The following PEX5L variants were observed in gnomAD, a reference collection of about 807,000 sequenced individuals.
PEX5L encodes the protein peroxisomal biogenesis factor 5 like.
In PEX5L, 30 loss-of-function variants were observed where a neutral mutation model predicts 84.0. That is an observed-to-expected ratio of 0.36 (90% confidence interval 0.27 to 0.48). The LOEUF is 0.48. Ranked by LOEUF, PEX5L falls within the 20% of genes least tolerant of loss-of-function variation. PEX5L has a pLI of 0.99. For missense variants in PEX5L, 533 were observed against 754.6 expected, an observed-to-expected ratio of 0.71 and a Z score of 3.44; for synonymous variants, 270 against 283.1, an observed-to-expected ratio of 0.95 and a Z score of 0.46.
chr3:179,834,013 A>AT (rs1475838042), intron 8 of PEX5L, among the ~76,000 whole-genome samples: 2 of 151,758 alleles, frequency 1.3e-5, no homozygotes, highest in Admixed American at 6.6e-5. Context: ...TTTTATTTTT[A>AT]TTTTTTTGTG....
In PEX5L at chr3:179,913,124, A is replaced by T. The variant is rs553330159; in HGVS notation, c.94-14878T>A. Among the ~76,000 whole-genome samples the T allele has an allele frequency of 3.0e-4, 45 of 152,284 alleles. No homozygotes were observed. The South Asian group carries it at 9.1e-3, about 31-fold the overall frequency. On this transcript the variant is annotated intron_variant, in intron 2 of 14. Coordinates refer to ENST00000467460, the MANE Select transcript of PEX5L (RefSeq NM_016559.3). Reference sequence around the variant, plus strand: ...AATTTTCAGCTAATTAGAATAGCCAAATGCCTTTGAGTGTTCTCATTAATC... The same window carrying T: ...AATTTTCAGCTAATTAGAATAGCCATATGCCTTTGAGTGTTCTCATTAATC...
chr3:179,980,480 T>A (rs1460615900), intron 1 of PEX5L, among the ~76,000 whole-genome samples: 2 of 152,176 alleles, frequency 1.3e-5, no homozygotes, highest in African/African-American at 2.4e-5. Context: ...AACATCACAA[T>A]TCTTGTCATT....
intron 2 of PEX5L, among the ~76,000 whole-genome samples, chr3:179,902,424 C>T (rs1761703655): frequency 6.6e-6 from 1 of 152,198 alleles, no homozygotes; most frequent in Non-Finnish European, 1.5e-5. Context: ...CATAGGCAAA[C>T]ATTTTCTGAG....
intron 7 of PEX5L, among the ~76,000 whole-genome samples, chr3:179,862,639 T>C (rs1746621826): frequency 6.6e-6 from 1 of 152,140 alleles, no homozygotes; most frequent in Non-Finnish European, 1.5e-5. Flanking sequence ...CATATAAAAA[T>C]TTCAAGTGTG....
chr3:179,874,133 A>G (rs1751315793), intron 7 of PEX5L, among the ~76,000 whole-genome samples, 194 bp downstream of exon 7: 1 of 37,904 alleles, frequency 2.6e-5, no homozygotes, highest in Non-Finnish European at 8.1e-5. Context: ...GTAGATATAC[A>G]TATATATATA....
At chr3:179,983,835 A>G (rs1786558000) in intron 1 of PEX5L, among the ~76,000 whole-genome samples, 1 of 152,076 alleles carries the variant, frequency 6.6e-6, no homozygotes, top group Admixed American at 6.5e-5. Context: ...ATAGTTAAAG[A>G]CGTTTCTGAT....
At position 179,809,488 on chromosome 3, in the gene PEX5L, A is replaced by T. The variant is rs1722873042; in HGVS notation, c.1335T>A (p.Ser445=). ...AAGGATACCTATCAACTGGGGACTT[A>T]GACATCCGCCGGGTGAGGCCTGGAG... ...KGSPGLTRRM[S]KSPVDSSVLE... Residue 445 remains serine (S), a synonymous_variant, in exon 12 of 15, where the codon TCT becomes TCA. Coordinates refer to ENST00000467460, the MANE Select transcript of PEX5L (RefSeq NM_016559.3). The T allele has an allele frequency of 1.2e-6, 2 of 1,613,728 alleles. No homozygotes were observed. Among genetic ancestry groups the T allele is most frequent in the Non-Finnish European group, 1.7e-6 (2 of 1,179,618 alleles).
intron 8 of PEX5L, among the ~76,000 whole-genome samples, chr3:179,821,648 G>C (rs1274399309): frequency 6.6e-6 from 1 of 152,190 alleles, no homozygotes; most frequent in Non-Finnish European, 1.5e-5. Flanking sequence ...CAAGGCAGCA[G>C]GCATCTTGAT....
intron 7 of PEX5L, among the ~76,000 whole-genome samples, chr3:179,871,767 A>G (rs561700798): frequency 6.6e-6 from 1 of 152,242 alleles, no homozygotes; most frequent in East Asian, 1.9e-4. Context: ...CTTTCTGTAA[A>G]TCTTCCTCCC....
chr3:179,934,188 G>T (rs1773937833), intron 2 of PEX5L, among the ~76,000 whole-genome samples: 1 of 152,034 alleles, frequency 6.6e-6, no homozygotes, highest in Admixed American at 6.5e-5. Context: ...CTACTCTGGA[G>T]GATATCTTAT....
chr3:179,875,235 G>T, intron 6 of PEX5L, 119 bp downstream of exon 6: 2 of 872,596 alleles, frequency 2.3e-6, no homozygotes, highest in Non-Finnish European at 3.7e-6. Flanking sequence ...AATTGGTATT[G>T]TTATATAGGG....
At position 179,924,920 on chromosome 3, in the gene PEX5L, C is replaced by T. The variant is rs548758165; in HGVS notation, c.94-26674G>A. On this transcript the variant is annotated intron_variant, in intron 2 of 14. Transcript: ENST00000467460. ...TTAACTTGGCAAAGTAAGAAGAAAG[C>T]AATCAAACAAATATAATAAGATTAT... is the stretch of plus-strand genomic sequence containing the variant. Among the ~76,000 whole-genome samples the T allele has an allele frequency of 9.2e-5, 14 of 152,214 alleles. No individual in the cohort carries two copies. In the East Asian group the frequency reaches 2.3e-3, roughly 25 times the overall value.
chr3:180,035,212 T>C (rs868588469), intron 1 of PEX5L, among the ~76,000 whole-genome samples: 2 of 152,242 alleles, frequency 1.3e-5, no homozygotes, highest in Non-Finnish European at 1.5e-5. Flanking sequence ...CATTCTTGGG[T>C]GAAGATGAAG....
intron 1 of PEX5L, among the ~76,000 whole-genome samples, chr3:180,001,148 C>G (rs1387185846): frequency 6.6e-6 from 1 of 151,980 alleles, no homozygotes; most frequent in Non-Finnish European, 1.5e-5. Flanking sequence ...ACTGGCCTAG[C>G]CTTCAAACTA....
chr3:179,824,654 C>G (rs558866690), intron 8 of PEX5L, among the ~76,000 whole-genome samples: 9 of 145,528 alleles, frequency 6.2e-5, no homozygotes, highest in Non-Finnish European at 1.0e-4. Flanking sequence ...TGTGATGAGC[C>G]GAGATCGTGC....
intron 1 of PEX5L, among the ~76,000 whole-genome samples, chr3:179,996,700 A>G (rs1212601815): frequency 2.6e-5 from 4 of 152,176 alleles, no homozygotes; most frequent in Admixed American, 6.5e-5. Flanking sequence ...ACATCTAACC[A>G]TGGGAACTGC....
intron 2 of PEX5L, among the ~76,000 whole-genome samples, chr3:179,944,015 A>C (rs1211510640): frequency 6.7e-6 from 1 of 149,312 alleles, no homozygotes; most frequent in Non-Finnish European, 1.5e-5. Flanking sequence ...CCCCCAAAAA[A>C]CTGAAAAAGT....
At chr3:180,030,352 G>C (rs1791339890) in intron 1 of PEX5L, among the ~76,000 whole-genome samples, 2 of 152,118 alleles carry the variant, frequency 1.3e-5, no homozygotes, top group Non-Finnish European at 2.9e-5. Context: ...AGGGCATCTT[G>C]CCAAACTGGG....
chr3:179,813,725 G>A lies in PEX5L; in HGVS notation c.1084-1854C>T, dbSNP rs71310394. Among the ~76,000 whole-genome samples the A allele has an allele frequency of 3.7e-3, 544 of 145,472 alleles. 2 individuals carry two copies. The highest frequency in any genetic ancestry group is 6.3e-3 in the Non-Finnish European group (422 of 67,192). ...CGCTGTTTAGCCCAGGCCGGACTGC[G>A]GATTGCAGTGGCGCAATCTCGGCTC... is the stretch of plus-strand genomic sequence containing the variant. On this transcript the variant is annotated intron_variant, in intron 10 of 14. Transcript: ENST00000467460.
Sources: gnomAD v4.1 joint callset for allele counts (sites outside exome capture counted in the v4.1 genomes callset) on GRCh38, gnomAD v4.1.1 for gene constraint, MANE v1.5 for transcripts, NCBI Gene and HGNC (gene_info 2026-07-23, HGNC 2026-07-21) for gene names.